Variants in DNM3 observed in about 807,000 individuals in gnomAD.
DNM3 encodes the protein dynamin 3.
A neutral mutation model predicts 101.6 loss-of-function variants in DNM3; 47 were observed. The ratio of observed to expected loss-of-function variants is 0.46; its 90% CI spans 0.37 to 0.59. DNM3 has a LOEUF of 0.59. DNM3 is among the 20% of genes least tolerant of loss of function. The pLI is 0.00. For missense variants in DNM3, 849 were observed against 1,085.7 expected (o/e 0.78, Z 3.06); for synonymous variants, 385 against 387.9 (o/e 0.99, Z 0.09).
chr1:172,189,666 C>G (rs958202628), intron 14 of DNM3, among the ~76,000 whole-genome samples: 1 of 151,874 alleles, frequency 6.6e-6, no homozygotes, highest in Non-Finnish European at 1.5e-5. Context: ...TAAAGAAATA[C>G]CTGAGGCTGG....
At chr1:171,848,905 G>C (rs946840778) in intron 1 of DNM3, among the ~76,000 whole-genome samples, 1 of 152,188 alleles carries the variant, frequency 6.6e-6, no homozygotes, top group African/African-American at 2.4e-5. Context: ...TTTAGATCTT[G>C]TTTTTCTCTA....
Position 171,934,684 on chromosome 1 carries a change from C to T in DNM3, c.235+12863C>T, listed in dbSNP as rs561313854. Among the ~76,000 whole-genome samples the T allele has an allele frequency of 6.6e-4, 100 of 152,186 alleles. 1 individual carries two copies. The highest frequency in any genetic ancestry group is 2.3e-3 in the African/African-American group (95 of 41,528). On this transcript the variant is annotated intron_variant, in intron 2 of 20. Coordinates refer to ENST00000627582, the MANE Select transcript of DNM3 (RefSeq NM_015569.5). ...GGTTAGACCTGGGGATGTGGTGGCACCTGGGTCCGGAGGTGTGGGATGTCA... is the reference window on the plus strand; with the variant it reads ...GGTTAGACCTGGGGATGTGGTGGCATCTGGGTCCGGAGGTGTGGGATGTCA...
At chr1:171,965,211 TATTTCAG>T (rs2043487377) in intron 2 of DNM3, among the ~76,000 whole-genome samples, 1 of 152,116 alleles carries the variant, frequency 6.6e-6, no homozygotes, top group Non-Finnish European at 1.5e-5. Flanking sequence ...ACAGCTCATG[TATTTCAG>T]GGAAACACTT....
At chr1:172,297,953 G>A (rs2064247111) in intron 15 of DNM3, among the ~76,000 whole-genome samples, 2 of 151,898 alleles carry the variant, frequency 1.3e-5, no homozygotes, top group East Asian at 1.9e-4. Context: ...TTGTTCACAA[G>A]TTAGACATTC....
chr1:171,850,543 G>A (rs1351668905), intron 1 of DNM3, among the ~76,000 whole-genome samples: 1 of 152,132 alleles, frequency 6.6e-6, no homozygotes, highest in Non-Finnish European at 1.5e-5. Context: ...TAGCATTCAT[G>A]GTTCTGAGTC....
At chr1:172,314,754 G>C (rs1360410913) in intron 16 of DNM3, among the ~76,000 whole-genome samples, 1 of 152,244 alleles carries the variant, frequency 6.6e-6, no homozygotes, top group Admixed American at 6.5e-5. Context: ...ACTGGCTGGA[G>C]CCCACCACAG....
Position 171,841,678 on chromosome 1 carries a change from G to T in DNM3, c.22G>T (p.Glu8Ter). ...CAAGATGGGGAACCGGGAGATGGAG[G>T]AGCTGATCCCGCTGGTGAACCGTCT... MGNREME[E>*]LIPLVNRLQD... The change falls in exon 1 of 21, where the codon GAG becomes TAG. Residue 8 changes from glutamate (E) to a stop codon, truncating the protein, a stop_gained. Transcript: ENST00000627582. LOFTEE classifies it high-confidence loss of function. 6.2e-7 allele frequency: 1 copy of T among 1,611,760 alleles called. No individual in the cohort carries two copies. The highest frequency in any genetic ancestry group is 8.5e-7 in the Non-Finnish European group (1 of 1,179,246).
chr1:172,224,366 T>C (rs1032762345), intron 14 of DNM3, among the ~76,000 whole-genome samples: 1 of 152,188 alleles, frequency 6.6e-6, no homozygotes, highest in African/African-American at 2.4e-5. Context: ...CATTTTAGTA[T>C]TGTGGAAATC....
At chr1:171,974,202 T>A (rs959290152) in intron 2 of DNM3, among the ~76,000 whole-genome samples, 7 of 152,306 alleles carry the variant, frequency 4.6e-5, no homozygotes, top group African/African-American at 1.7e-4. Flanking sequence ...TCAAATCAGT[T>A]TTTCATATGA....
At chr1:172,366,548 T>G (rs1369714398) in intron 17 of DNM3, 3 of 151,922 alleles carry the variant, frequency 2.0e-5, no homozygotes, top group Non-Finnish European at 4.4e-5. Flanking sequence ...GGGTGCTCAC[T>G]TTAGTAGCAC....
At chr1:172,187,531 C>A (rs1282043269) in intron 14 of DNM3, among the ~76,000 whole-genome samples, 2 of 151,894 alleles carry the variant, frequency 1.3e-5, no homozygotes, top group African/African-American at 4.8e-5. Flanking sequence ...AAAAATTATT[C>A]TTCTGGGTAT....
intron 14 of DNM3, among the ~76,000 whole-genome samples, chr1:172,252,126 A>G (rs966119528): frequency 1.3e-5 from 2 of 152,062 alleles, no homozygotes. Flanking sequence ...ACTCCTATTT[A>G]GTTTCCTTTA....
At chr1:172,062,676 T>C (rs1372452115) in intron 10 of DNM3, among the ~76,000 whole-genome samples, 1 of 152,148 alleles carries the variant, frequency 6.6e-6, no homozygotes, top group Non-Finnish European at 1.5e-5. Context: ...ACTTTGACCT[T>C]CTTTGACTTC....
In DNM3 at chr1:172,407,940, C is replaced by T. The variant is rs1048626104; in HGVS notation, c.*99C>T. ...AATCATGAGTAGTCGCATGTGTGGA[C>T]ATCAGTAGGCAAGTAACCAGTTTTA... On this transcript the variant is annotated 3_prime_UTR_variant, in exon 21 of 21. Transcript: ENST00000627582. The T allele has an allele frequency of 1.9e-6, 3 of 1,591,614 alleles. No homozygotes were observed. Among genetic ancestry groups the T allele is most frequent in the Non-Finnish European group, 2.6e-6 (3 of 1,166,492 alleles).
intron 17 of DNM3, among the ~76,000 whole-genome samples, chr1:172,369,396 C>T (rs1011163414): frequency 6.6e-6 from 1 of 151,844 alleles, no homozygotes; most frequent in Non-Finnish European, 1.5e-5. Context: ...TCAATAGATA[C>T]AGATAAAAAT....
At chr1:172,167,357 G>T (rs1400128927) in intron 14 of DNM3, among the ~76,000 whole-genome samples, 1 of 152,026 alleles carries the variant, frequency 6.6e-6, no homozygotes, top group Non-Finnish European at 1.5e-5. Flanking sequence ...CTTTGCTATT[G>T]TGAATAGTGC....
At chr1:172,289,689 A>T (rs1383717376) in intron 15 of DNM3, 1 of 984,644 alleles carries the variant, frequency 1.0e-6, no homozygotes, top group Non-Finnish European at 1.2e-6. Flanking sequence ...AGTGTACCTG[A>T]TTGTGATTTT....
At chr1:171,870,200 G>A (rs529202267) in intron 1 of DNM3, among the ~76,000 whole-genome samples, 15 of 152,144 alleles carry the variant, frequency 9.9e-5, no homozygotes, top group South Asian at 2.1e-4. Context: ...AACAATATCC[G>A]TTTGACATGA....
chr1:172,008,606 G>A (rs2046858662), intron 4 of DNM3, among the ~76,000 whole-genome samples: 1 of 147,350 alleles, frequency 6.8e-6, no homozygotes, highest in African/African-American at 2.5e-5. Flanking sequence ...TGTATATGGT[G>A]TGAAGTAAGA....
Sources: gnomAD v4.1 joint callset for allele counts (sites outside exome capture counted in the v4.1 genomes callset) on GRCh38, gnomAD v4.1.1 for gene constraint, MANE v1.5 for transcripts, NCBI Gene and HGNC (gene_info 2026-07-23, HGNC 2026-07-21) for gene names.